GALNT13: variants seen among roughly 807,000 people sequenced by gnomAD.
The protein encoded by GALNT13 is UDP-GalNAc:polypeptide N-acetylgalactosaminyltransferase 13.
GALNT13 carries 28 observed loss-of-function variants against 64.2 expected under a neutral mutation model. The observed-to-expected ratio is 0.44, with a 90% CI of 0.32 to 0.60. The LOEUF is 0.60. Among genes scored for constraint, GALNT13 ranks in the 20% least tolerant of loss-of-function variants. The probability of loss-of-function intolerance (pLI) is 0.05; values close to 1 mark genes in which losing one functional copy is unlikely to be tolerated. For synonymous variants in GALNT13, 214 were observed against 224.6 expected (o/e 0.95, Z 0.42); for missense variants, 577 against 669.8 (o/e 0.86, Z 1.53).
the GALNT13 span, among the ~76,000 whole-genome samples, chr2:153,857,506 C>A: frequency 6.6e-6 from 1 of 152,108 alleles, no homozygotes; most frequent in Non-Finnish European, 1.5e-5. Context: ...GTGAGAGAAG[C>A]AACAGGGCCA....
intron 3 of GALNT13, among the ~76,000 whole-genome samples, chr2:154,066,719 C>T (rs1440178995): frequency 6.6e-6 from 1 of 152,096 alleles, no homozygotes; most frequent in African/African-American, 2.4e-5. Context: ...ACCTGTCCTA[C>T]AAGAAATACG....
At chr2:153,507,198 T>C in the GALNT13 span, among the ~76,000 whole-genome samples, 6 of 152,146 alleles carry the variant, frequency 3.9e-5, no homozygotes. Flanking sequence ...TTTCCAGAAG[T>C]TGTGATTGTT....
At chr2:153,225,158 A>G in the GALNT13 span, among the ~76,000 whole-genome samples, 5 of 152,216 alleles carry the variant, frequency 3.3e-5, no homozygotes, top group African/African-American at 7.2e-5. Context: ...TTCATTTCAC[A>G]GATTCAAGGA....
At chr2:153,197,989 TC>T in the GALNT13 span, among the ~76,000 whole-genome samples, 1 of 152,172 alleles carries the variant, frequency 6.6e-6, no homozygotes, top group Admixed American at 6.5e-5. Flanking sequence ...ACACTGTACC[TC>T]CCTTGGCCCT....
rs560603125 is a variant in GALNT13 at position 154,162,768 on chromosome 2, T to C, written c.311+22263T>C. On this transcript the variant is annotated intron_variant, in intron 4 of 12. Transcript: ENST00000392825. ...TTTGTTGGCAGAATTAATCATATTA[T>C]TGTCAGTTTTACCATTATAAAACAG... is the stretch of plus-strand genomic sequence containing the variant. 3.1e-4 allele frequency among the ~76,000 whole-genome samples: 47 copies of C among 152,288 alleles called. 1 individual carries two copies. In the South Asian group the frequency reaches 5.6e-3, roughly 18 times the overall value.
the GALNT13 span, among the ~76,000 whole-genome samples, chr2:153,400,773 C>A: frequency 6.6e-6 from 1 of 151,962 alleles, no homozygotes; most frequent in Non-Finnish European, 1.5e-5. Context: ...GTGGTGATAT[C>A]CCCTTTATCA....
the GALNT13 span, among the ~76,000 whole-genome samples, chr2:153,369,808 A>G: frequency 5.3e-4 from 81 of 152,258 alleles, no homozygotes; most frequent in Admixed American, 1.4e-3. Flanking sequence ...AGGCCTGACA[A>G]TAACCACTTG....
At chr2:154,242,319 A>C in intron 5 of GALNT13, 123 bp downstream of exon 5, 1 of 800,170 alleles carries the variant, frequency 1.2e-6, no homozygotes, top group Non-Finnish European at 1.9e-6. Context: ...TTGCATTATA[A>C]TTTTACTAGC....
At chr2:154,332,470 T>C (rs1173725843) in intron 9 of GALNT13, among the ~76,000 whole-genome samples, 1 of 152,068 alleles carries the variant, frequency 6.6e-6, no homozygotes, top group South Asian at 2.1e-4. Context: ...TAAAAAGACA[T>C]GATGGGTGGT....
At chr2:153,218,013 A>G in the GALNT13 span, among the ~76,000 whole-genome samples, 23 of 152,174 alleles carry the variant, frequency 1.5e-4, no homozygotes, top group African/African-American at 5.5e-4. Context: ...TCTGGAGTTG[A>G]GCTGGTTTTG....
intron 2 of GALNT13, among the ~76,000 whole-genome samples, chr2:153,943,456 C>G (rs1012448902): frequency 2.0e-5 from 3 of 151,096 alleles, no homozygotes; most frequent in African/African-American, 7.3e-5. Flanking sequence ...ACAATTTTTT[C>G]TGTTTTATGT....
the GALNT13 span, among the ~76,000 whole-genome samples, chr2:153,482,448 G>A: frequency 6.6e-6 from 1 of 152,122 alleles, no homozygotes; most frequent in African/African-American, 2.4e-5. Flanking sequence ...TTACAACCAT[G>A]TAATCTTGGG....
intron 8 of GALNT13, among the ~76,000 whole-genome samples, chr2:154,270,309 T>A (rs1277592331): frequency 1.3e-5 from 2 of 151,946 alleles, no homozygotes; most frequent in Admixed American, 1.3e-4. Context: ...GACATGCTTA[T>A]AGTTTTAGAA....
chr2:153,546,569 A>G, the GALNT13 span, among the ~76,000 whole-genome samples: 1 of 152,222 alleles, frequency 6.6e-6, no homozygotes, highest in East Asian at 1.9e-4. Context: ...GTGTCAGACA[A>G]GATTAGATGC....
At chr2:154,276,956 A>C (rs111809604) in intron 8 of GALNT13, among the ~76,000 whole-genome samples, 2,923 of 152,270 alleles carry the variant, frequency 0.019, 69 homozygotes, top group African/African-American at 0.059. Context: ...AGCCATGCTG[A>C]ACTGTGAGTC....
the GALNT13 span, among the ~76,000 whole-genome samples, chr2:153,192,388 G>T: frequency 1.3e-5 from 2 of 151,930 alleles, no homozygotes; most frequent in African/African-American, 4.8e-5. Context: ...ATTCTTTTGT[G>T]GTCTGAGAGA....
the GALNT13 span, among the ~76,000 whole-genome samples, chr2:153,431,649 T>G: frequency 6.6e-6 from 1 of 152,198 alleles, no homozygotes; most frequent in Admixed American, 6.6e-5. Context: ...AGAGCTCTAC[T>G]GGACAGACAA....
chr2:154,301,616 T>G (rs1693446438), intron 9 of GALNT13, 27 bp downstream of exon 9: 1 of 1,468,870 alleles, frequency 6.8e-7, no homozygotes, highest in African/African-American at 1.4e-5. Context: ...TTTTTCTTTC[T>G]CTACAGGAGA....
chr2:154,033,603 A>G (rs1011994682), intron 3 of GALNT13, among the ~76,000 whole-genome samples: 4 of 152,178 alleles, frequency 2.6e-5, no homozygotes, highest in Non-Finnish European at 4.4e-5. Flanking sequence ...GAAATTTAAA[A>G]CAAAATGAGA....
Sources: gnomAD v4.1 joint callset for allele counts (sites outside exome capture counted in the v4.1 genomes callset) on GRCh38, gnomAD v4.1.1 for gene constraint, MANE v1.5 for transcripts, NCBI Gene and HGNC (gene_info 2026-07-23, HGNC 2026-07-21) for gene names.